TRAPPC10: variants seen among roughly 807,000 people sequenced by gnomAD.
The protein encoded by TRAPPC10 is trafficking protein particle complex subunit 10.
In TRAPPC10, 23 loss-of-function variants were observed where a neutral mutation model predicts 125.5. That is an observed-to-expected ratio of 0.18 (90% CI 0.13 to 0.26). The LOEUF (loss-of-function observed/expected upper bound fraction) is 0.26, where lower values mean the gene tolerates loss of function less well. Among genes scored for constraint, TRAPPC10 ranks in the 10% least tolerant of loss-of-function variants. TRAPPC10 has a pLI of 1.00. For missense variants in TRAPPC10, 1,123 were observed against 1,308.4 expected, an observed-to-expected ratio of 0.86 and a Z score of 2.19; for synonymous variants, 509 against 518.0, an observed-to-expected ratio of 0.98 and a Z score of 0.24.
chr21:44,087,582 C>T lies in TRAPPC10; in HGVS notation c.2540-117C>T, dbSNP rs897115472. The T allele has an allele frequency of 2.7e-5, 24 of 885,844 alleles. No individual in the cohort carries two copies. Among genetic ancestry groups the T allele is most frequent in the South Asian group, 1.5e-4 (10 of 64,798 alleles). The allele number at this position is 885,844 out of a possible 1,614,324, so 54.9% of individuals were successfully genotyped here. A position where few individuals can be genotyped will look rare whatever the true frequency, so the allele number is the denominator to read the frequency against. ...TGTTCTTGGGTTTGCCTGCCAGGTG[C>T]GCAGGAGCGGGAGAGGTTGAGCAGT... On this transcript the variant is annotated intron_variant, in intron 16 of 22. Coordinates refer to ENST00000291574, the MANE Select transcript of TRAPPC10 (RefSeq NM_003274.5). The surrounding 1 kb of genome is among the most constrained non-coding windows in gnomAD (Gnocchi z 4.6).
chr21:44,014,572 ATTTT>A (rs2031585776), intron 1 of TRAPPC10, among the ~76,000 whole-genome samples: 1 of 142,260 alleles, frequency 7.0e-6, no homozygotes, highest in Non-Finnish European at 1.5e-5. Context: ...TGCCCGGCTA[ATTTT>A]TTGTTTGTTT....
intron 3 of TRAPPC10, chr21:44,047,000 C>CT (rs1180118660): frequency 3.8e-6 from 3 of 788,728 alleles, no homozygotes; most frequent in Non-Finnish European, 6.6e-6. Context: ...CCGCCTTTGT[C>CT]TTGGCCTTTC....
At chr21:44,014,691 G>C (rs1350860862) in intron 1 of TRAPPC10, among the ~76,000 whole-genome samples, 1 of 151,316 alleles carries the variant, frequency 6.6e-6, no homozygotes, top group African/African-American at 2.4e-5. Context: ...GCCTCCCGAA[G>C]TGCTGGGATT....
At chr21:44,014,530 C>T (rs541871421) in intron 1 of TRAPPC10, among the ~76,000 whole-genome samples, 4 of 151,794 alleles carry the variant, frequency 2.6e-5, no homozygotes, top group South Asian at 2.1e-4. Context: ...CTCGGCCTCC[C>T]GAGTAGCTGG....
chr21:44,046,916 C>T, intron 3 of TRAPPC10: 1 of 844,254 alleles, frequency 1.2e-6, no homozygotes, highest in Admixed American at 1.8e-5. Context: ...ACGTCCATGA[C>T]TGGCCGTCCT....
chr21:44,075,249 TC>T, intron 9 of TRAPPC10, 96 bp downstream of exon 9: 20 of 839,452 alleles, frequency 2.4e-5, no homozygotes, highest in Non-Finnish European at 3.7e-5. Flanking sequence ...CTAAGAGTAA[TC>T]ATATTACTCA....
rs1396889669 is a variant in TRAPPC10, at chr21:44,063,962, A to G, written c.1038+177A>G. Among the ~76,000 whole-genome samples the G allele has an allele frequency of 6.6e-6, 1 of 152,190 alleles. No individual in the cohort carries two copies. Among genetic ancestry groups the G allele is most frequent in the Non-Finnish European group, 1.5e-5 (1 of 68,030 alleles). On this transcript the variant is annotated intron_variant, in intron 7 of 22. Coordinates refer to ENST00000291574, the MANE Select transcript of TRAPPC10 (RefSeq NM_003274.5). This position sits in a 1 kb window ranked among gnomAD's most constrained non-coding sequence, Gnocchi z 4.4. ...ACTTTTTACGTTGATAAATTGCTCA[A>G]AAATAGAACTCTGTTCTCAACATGC...
At position 44,063,029 on chromosome 21, in the gene TRAPPC10, A is replaced by C; in HGVS notation, c.791-509A>C. On this transcript the variant is annotated intron_variant, in intron 6 of 22. Coordinates refer to ENST00000291574, the MANE Select transcript of TRAPPC10 (RefSeq NM_003274.5). This position sits in a 1 kb window ranked among gnomAD's most constrained non-coding sequence, Gnocchi z 4.4. ...TTTTTCCTTCTATGTGCTGCTACCA[A>C]GTCCTCCCTGTCCCTTCCTCCAGGA... The C allele has an allele frequency of 7.7e-7, 1 of 1,304,352 alleles. No individual in the cohort carries two copies. Among genetic ancestry groups the C allele is most frequent in the Non-Finnish European group, 1.0e-6 (1 of 989,046 alleles). 80.8% of individuals were successfully genotyped at this position (1,304,352 alleles called of 1,614,324 possible). A position where few individuals can be genotyped will look rare whatever the true frequency, so the allele number is the denominator to read the frequency against.
chr21:44,083,843 A>G (rs1339201889), intron 14 of TRAPPC10, among the ~76,000 whole-genome samples: 1 of 152,242 alleles, frequency 6.6e-6, no homozygotes, highest in Non-Finnish European at 1.5e-5. Context: ...CTCGTGCTGA[A>G]TGTCTCTACA....
intron 15 of TRAPPC10, 58 bp from the exon 16 acceptor site, chr21:44,086,744 C>G: frequency 6.3e-7 from 1 of 1,590,938 alleles, no homozygotes; most frequent in South Asian, 1.1e-5. Flanking sequence ...CATTGCGGGC[C>G]CTGAGATGCT....
At chr21:44,070,874 G>A (rs1569193438) in intron 7 of TRAPPC10, among the ~76,000 whole-genome samples, 1 of 152,196 alleles carries the variant, frequency 6.6e-6, no homozygotes, top group South Asian at 2.1e-4. Context: ...GTAGCCTGGC[G>A]CACTTGGGCC....
At chr21:44,055,578 A>G (rs776318787) in intron 4 of TRAPPC10, 120 bp from the exon 5 acceptor site, 689 of 113,360 alleles carry the variant, frequency 6.1e-3, no homozygotes, top group Non-Finnish European at 8.6e-3. Context: ...ACTCTGTCTC[A>G]AAAAAAAAAA....
chr21:44,030,859 A>T (rs1035461469), intron 1 of TRAPPC10, among the ~76,000 whole-genome samples: 1 of 152,256 alleles, frequency 6.6e-6, no homozygotes, highest in Non-Finnish European at 1.5e-5. Flanking sequence ...AACAAAATGT[A>T]GTAATAGTCC....
chr21:44,087,070 G>A lies in TRAPPC10; in HGVS notation c.2539+110G>A. The A allele has an allele frequency of 7.8e-7, 1 of 1,275,296 alleles. No homozygotes were observed. The highest frequency in any genetic ancestry group is 1.4e-5 in the South Asian group (1 of 71,636). 79.0% of individuals were successfully genotyped at this position (1,275,296 alleles called of 1,614,324 possible). The stretch of plus-strand genomic sequence containing the variant: ...CCATCCTGCTGAGCGCCCCTCAACA[G>A]TGTCTGGAGTCCGTGTTCCATAGGA... On this transcript the variant is annotated intron_variant, in intron 16 of 22. Coordinates refer to ENST00000291574, the MANE Select transcript of TRAPPC10 (RefSeq NM_003274.5). This position sits in a 1 kb window ranked among gnomAD's most constrained non-coding sequence, Gnocchi z 4.6.
chr21:44,034,143 C>A (rs756397894), intron 2 of TRAPPC10, among the ~76,000 whole-genome samples: 10 of 152,146 alleles, frequency 6.6e-5, no homozygotes, highest in Non-Finnish European at 1.2e-4. Flanking sequence ...GAAGTTCAAT[C>A]CCTTGTGTCT....
chr21:44,073,090 C>T (rs535607252), intron 7 of TRAPPC10, among the ~76,000 whole-genome samples: 2 of 152,100 alleles, frequency 1.3e-5, no homozygotes, highest in African/African-American at 4.8e-5. Flanking sequence ...ATGAAAGTGG[C>T]TTCCGATTAT....
chr21:44,087,042 C>A lies in TRAPPC10; in HGVS notation c.2539+82C>A. 1 of 1,511,332 alleles carries A rather than the reference C, an allele frequency of 6.6e-7. No homozygotes were observed. Among genetic ancestry groups the A allele is most frequent in the Non-Finnish European group, 9.0e-7 (1 of 1,109,094 alleles). The allele number at this position is 1,511,332 out of a possible 1,614,324, so 93.6% of individuals were successfully genotyped here. A position where few individuals can be genotyped will look rare whatever the true frequency, so the allele number is the denominator to read the frequency against. ...GGGTGTGAGGGTGAGCCTGGCCTTG[C>A]TGCCATCCTGCTGAGCGCCCCTCAA... On this transcript the variant is annotated intron_variant, in intron 16 of 22. Coordinates refer to ENST00000291574, the MANE Select transcript of TRAPPC10 (RefSeq NM_003274.5). This position sits in a 1 kb window ranked among gnomAD's most constrained non-coding sequence, Gnocchi z 4.6.
intron 7 of TRAPPC10, among the ~76,000 whole-genome samples, chr21:44,067,701 CAG>C (rs776167496): frequency 1.3e-5 from 2 of 152,164 alleles, no homozygotes; most frequent in African/African-American, 2.4e-5. Flanking sequence ...TGTCTGCACA[CAG>C]GGGACTGTAA....
At chr21:44,064,490 C>G (rs1171608172) in intron 7 of TRAPPC10, among the ~76,000 whole-genome samples, 1 of 152,140 alleles carries the variant, frequency 6.6e-6, no homozygotes, top group Non-Finnish European at 1.5e-5. Context: ...TTTCAGGGTC[C>G]TCTTTACCCA....
Sources: allele counts gnomAD v4.1 joint callset (sites outside exome capture counted in the v4.1 genomes callset), GRCh38; gene constraint gnomAD v4.1.1; non-coding constraint Gnocchi (gnomAD v3.1); transcripts MANE v1.5; gene names NCBI Gene and HGNC (gene_info 2026-07-23, HGNC 2026-07-21).